RASA2: variants seen among roughly 807,000 people sequenced by gnomAD.
RASA2 encodes RAS p21 protein activator 2, also known as ras GTPase-activating protein 2.
RASA2 carries 155 observed loss-of-function variants against 118.2 expected under a neutral mutation model. That is an observed-to-expected ratio of 1.31 (90% CI 1.15 to 1.50). RASA2 has a LOEUF of 1.50. RASA2 is among the 40% of genes most tolerant of loss of function. The pLI, the probability that RASA2 is intolerant of heterozygous loss-of-function variation, is 0.00. For missense variants in RASA2, 1,016 were observed against 1,009.6 expected, an observed-to-expected ratio of 1.01 and a Z score of -0.09; for synonymous variants, 353 against 349.1, an observed-to-expected ratio of 1.01 and a Z score of -0.12.
chr3:141,604,596 C>A (rs7639160), intron 19 of RASA2, among the ~76,000 whole-genome samples: 8 of 152,132 alleles, frequency 5.3e-5, no homozygotes, highest in African/African-American at 1.7e-4. Flanking sequence ...CCTTGCCTAT[C>A]AATTTTACTG....
chr3:141,531,196 A>G (rs555710093), intron 4 of RASA2, among the ~76,000 whole-genome samples: 1 of 152,180 alleles, frequency 6.6e-6, no homozygotes, highest in Non-Finnish European at 1.5e-5. Flanking sequence ...AAGAAAAGGC[A>G]TGATAGGAAA....
intron 5 of RASA2, 119 bp from the exon 6 acceptor site, chr3:141,553,738 C>G (rs1388263992): frequency 3.4e-6 from 5 of 1,473,102 alleles, no homozygotes; most frequent in African/African-American, 1.4e-5. Flanking sequence ...AGCCATACAA[C>G]TGCAGACACA....
chr3:141,606,426 A>G (rs947059010), intron 19 of RASA2, among the ~76,000 whole-genome samples: 1 of 151,800 alleles, frequency 6.6e-6, no homozygotes, highest in Non-Finnish European at 1.5e-5. Context: ...CTATCACATC[A>G]CCTCAGTTTA....
intron 19 of RASA2, among the ~76,000 whole-genome samples, chr3:141,594,930 T>A (rs1236581782): frequency 6.6e-6 from 1 of 152,128 alleles, no homozygotes; most frequent in Non-Finnish European, 1.5e-5. Context: ...TGTATAACAT[T>A]TAATTATAGG....
At chr3:141,575,962 A>G (rs555339522) in intron 14 of RASA2, among the ~76,000 whole-genome samples, 2 of 152,260 alleles carry the variant, frequency 1.3e-5, no homozygotes, top group South Asian at 4.1e-4. Flanking sequence ...TTTTTAGTAT[A>G]GATGGGGTTT....
At chr3:141,535,333 A>G (rs1435758991) in intron 4 of RASA2, among the ~76,000 whole-genome samples, 1 of 152,200 alleles carries the variant, frequency 6.6e-6, no homozygotes, top group Non-Finnish European at 1.5e-5. Flanking sequence ...ACCCTTAGAC[A>G]GTATTTCCAA....
intron 14 of RASA2, among the ~76,000 whole-genome samples, chr3:141,575,598 G>A (rs141634018): frequency 5.6e-4 from 86 of 152,314 alleles, no homozygotes; most frequent in African/African-American, 1.9e-3. Context: ...GAGAAGCTGA[G>A]TAACTTTACC....
In RASA2 at chr3:141,516,363, C is replaced by A; in HGVS notation, c.287C>A (p.Pro96Gln). Residue 96 changes from proline to glutamine, a missense_variant, in exon 3 of 24, where the codon CCA (proline) becomes CAA (glutamine). Physicochemically the swap from Pro to Gln is moderately conservative, Grantham distance 76. This residue lies in a region of RASA2 where 896 missense variants were observed against 836.4 expected (regional missense o/e 1.07). Transcript: ENST00000286364. ...AGTGAAGAATTTTACTTTGAGATTCCAAGAACTTTCCAGTATTTGTCTTTC... is the reference window on the plus strand; with the variant it reads ...AGTGAAGAATTTTACTTTGAGATTCAAAGAACTTTCCAGTATTTGTCTTTC... Reference protein sequence around the residue: ...FFSEEFYFEIPRTFQYLSFYV... With the variant: ...FFSEEFYFEIQRTFQYLSFYV... The A allele has an allele frequency of 1.3e-6, 2 of 1,566,768 alleles. No homozygotes were observed. The highest frequency in any genetic ancestry group is 1.7e-6 in the Non-Finnish European group (2 of 1,157,404).
intron 19 of RASA2, among the ~76,000 whole-genome samples, chr3:141,606,364 T>G (rs749135677): frequency 1.6e-4 from 24 of 152,222 alleles, no homozygotes; most frequent in Non-Finnish European, 3.2e-4. Flanking sequence ...TAAATGTCAT[T>G]TCCTCAGAAA....
chr3:141,543,375 A>G (rs2082433649), intron 5 of RASA2, among the ~76,000 whole-genome samples: 1 of 152,130 alleles, frequency 6.6e-6, no homozygotes, highest in African/African-American at 2.4e-5. Flanking sequence ...TATTTTGTCT[A>G]CATATATTGA....
rs769452504 is a variant in RASA2 at position 141,538,128 on chromosome 3, CACAA to C, written c.451-2402_451-2399del. ...ACACACACACACACACACACACACA[CACAA>C]ACTTGTTTTGCTGCAATTCAAATCT... On this transcript the variant is annotated intron_variant, in intron 4 of 23. Transcript: ENST00000286364. Among the ~76,000 whole-genome samples the C allele has an allele frequency of 1.4e-3, 219 of 152,038 alleles. 1 individual carries two copies. Among genetic ancestry groups the C allele is most frequent in the Admixed American group, 2.8e-3 (42 of 15,250 alleles).
intron 23 of RASA2, among the ~76,000 whole-genome samples, chr3:141,611,712 A>G (rs2083654576): frequency 1.3e-5 from 2 of 152,204 alleles, no homozygotes; most frequent in African/African-American, 2.4e-5. Flanking sequence ...TATATTTTTT[A>G]TTCATGTACA....
chr3:141,590,254 A>G (rs1226598121), intron 19 of RASA2: 6 of 426,318 alleles, frequency 1.4e-5, no homozygotes, highest in Non-Finnish European at 2.4e-5. Context: ...GCAACTGTTT[A>G]CTCCAGCTAA....
intron 3 of RASA2, among the ~76,000 whole-genome samples, chr3:141,521,564 G>A (rs1039244194): frequency 6.6e-6 from 1 of 152,084 alleles, no homozygotes. Context: ...TAAAGTTGAG[G>A]TTTATGATTT....
At chr3:141,578,096 C>G (rs2083041988) in intron 15 of RASA2, among the ~76,000 whole-genome samples, 1 of 152,174 alleles carries the variant, frequency 6.6e-6, no homozygotes, top group African/African-American at 2.4e-5. Flanking sequence ...CTTGTTCTAA[C>G]TACTTTATGT....
chr3:141,557,265 A>T (rs997880481), intron 7 of RASA2, among the ~76,000 whole-genome samples: 3 of 152,236 alleles, frequency 2.0e-5, no homozygotes, highest in Non-Finnish European at 4.4e-5. Context: ...CTTTAACTGA[A>T]GCAAGGAACA....
intron 5 of RASA2, among the ~76,000 whole-genome samples, chr3:141,545,264 T>C (rs896009739): frequency 6.6e-6 from 1 of 152,146 alleles, no homozygotes; most frequent in Non-Finnish European, 1.5e-5. Context: ...CACATTGCTA[T>C]AAAGAAATAC....
chr3:141,518,655 GT>G (rs1256094299), intron 3 of RASA2, among the ~76,000 whole-genome samples: 1 of 151,370 alleles, frequency 6.6e-6, no homozygotes, highest in African/African-American at 2.4e-5. Context: ...TGGCTTCTAT[GT>G]TTTTTTGATA....
At position 141,581,069 on chromosome 3, in the gene RASA2, A is replaced by G. The variant is rs76279388; in HGVS notation, c.1675-31A>G. 5,317 of 1,480,330 alleles carry G rather than the reference A, an allele frequency of 3.6e-3. 115 individuals are homozygous for G. The African/African-American group carries it at 0.042, about 12-fold the overall frequency. The allele number at this position is 1,480,330 out of a possible 1,614,324, so 91.7% of individuals were successfully genotyped here. ...TTCTATTCTTAATTCTCTATTTAACACATATAAACCCTGTGTTTGTTTTTT... is the reference window on the plus strand; with the variant it reads ...TTCTATTCTTAATTCTCTATTTAACGCATATAAACCCTGTGTTTGTTTTTT... On this transcript the variant is annotated intron_variant, in intron 16 of 23. Transcript: ENST00000286364.
Sources: gnomAD v4.1 joint callset for allele counts (sites outside exome capture counted in the v4.1 genomes callset) on GRCh38, gnomAD v4.1.1 for gene constraint, gnomAD v4.1.1 regional missense constraint, MANE v1.5 for transcripts, NCBI Gene and HGNC (gene_info 2026-07-23, HGNC 2026-07-21) for gene names.